Variants in ARMC9 observed in about 807,000 individuals in gnomAD.
ARMC9 encodes armadillo repeat containing 9.
In ARMC9, 94 loss-of-function variants were observed where a neutral mutation model predicts 107.0. The ratio of observed to expected loss-of-function variants is 0.88; its 90% CI spans 0.74 to 1.04. The LOEUF is 1.04. Ranked by LOEUF, ARMC9 falls within the 50% of genes least tolerant of loss-of-function variation. The probability of loss-of-function intolerance (pLI) is 0.00; values close to 1 mark genes in which losing one functional copy is unlikely to be tolerated. For missense variants in ARMC9, 942 were observed against 1,030.1 expected (o/e 0.91, Z 1.17); for synonymous variants, 380 against 396.9 (o/e 0.96, Z 0.51).
chr2:231,349,554 G>T (rs2044959516), intron 21 of ARMC9, among the ~76,000 whole-genome samples: 1 of 152,118 alleles, frequency 6.6e-6, no homozygotes, highest in Non-Finnish European at 1.5e-5. Context: ...GGCCGAGGCG[G>T]GTAGATCACT....
At chr2:231,201,737 C>A (rs1169006943) in intron 1 of ARMC9, among the ~76,000 whole-genome samples, 14 of 152,192 alleles carry the variant, frequency 9.2e-5, no homozygotes. Flanking sequence ...ACTGTTTTCC[C>A]TTTCCTCTCT....
chr2:231,243,934 A>G (rs2036529178), intron 9 of ARMC9, among the ~76,000 whole-genome samples: 1 of 152,132 alleles, frequency 6.6e-6, no homozygotes, highest in Non-Finnish European at 1.5e-5. Context: ...TTTTTTGCTG[A>G]TTTTTTTAAA....
chr2:231,289,508 A>G (rs969355906), intron 17 of ARMC9, among the ~76,000 whole-genome samples: 2 of 152,216 alleles, frequency 1.3e-5, no homozygotes, highest in Admixed American at 1.3e-4. Flanking sequence ...GGCTTATCAC[A>G]CTGCTTTTTG....
At chr2:231,344,438 A>G (rs1217784248) in intron 20 of ARMC9, among the ~76,000 whole-genome samples, 3 of 152,108 alleles carry the variant, frequency 2.0e-5, no homozygotes, top group African/African-American at 7.2e-5. Flanking sequence ...ATTTTGTGAC[A>G]TGGTGGTTTG....
At chr2:231,267,873 G>A (rs765643418) in intron 12 of ARMC9, among the ~76,000 whole-genome samples, 1 of 152,068 alleles carries the variant, frequency 6.6e-6, no homozygotes, top group Non-Finnish European at 1.5e-5. Flanking sequence ...TCCTAGATAA[G>A]CCCCAACCAA....
At chr2:231,275,344 G>A (rs2039669108) in intron 14 of ARMC9, among the ~76,000 whole-genome samples, 1 of 152,144 alleles carries the variant, frequency 6.6e-6, no homozygotes, top group African/African-American at 2.4e-5. Flanking sequence ...GCTTCTCTGT[G>A]GCATGTCAGT....
intron 20 of ARMC9, among the ~76,000 whole-genome samples, chr2:231,337,631 G>A (rs1309886677): frequency 3.3e-5 from 5 of 150,744 alleles, no homozygotes; most frequent in East Asian, 1.9e-4. Flanking sequence ...CACTACGCCC[G>A]GCTAGTTTTT....
chr2:231,209,696 C>T (rs1414724372), intron 3 of ARMC9, among the ~76,000 whole-genome samples: 1 of 152,038 alleles, frequency 6.6e-6, no homozygotes, highest in Non-Finnish European at 1.5e-5. Flanking sequence ...CCATCATGCC[C>T]AGCTGGTTTT....
intron 16 of ARMC9, among the ~76,000 whole-genome samples, chr2:231,281,210 G>T (rs1037815870): frequency 7.9e-5 from 12 of 151,406 alleles, no homozygotes; most frequent in Non-Finnish European, 1.5e-4. Flanking sequence ...GCGGAAGTGA[G>T]TGGCCTGTAT....
chr2:231,221,132 G>A (rs1057348355), intron 5 of ARMC9, among the ~76,000 whole-genome samples: 1 of 152,108 alleles, frequency 6.6e-6, no homozygotes, highest in African/African-American at 2.4e-5. Flanking sequence ...GTGTTGGCAG[G>A]GCTATGCTGT....
intron 20 of ARMC9, among the ~76,000 whole-genome samples, chr2:231,343,428 G>A (rs980832532): frequency 3.3e-5 from 5 of 151,358 alleles, no homozygotes; most frequent in African/African-American, 1.2e-4. Flanking sequence ...TTTACTTTTT[G>A]TTTTGAAATA....
At chr2:231,367,010 C>A (rs373463563) in intron 23 of ARMC9, among the ~76,000 whole-genome samples, 5 of 151,378 alleles carry the variant, frequency 3.3e-5, no homozygotes, top group African/African-American at 1.2e-4. Context: ...GCCACCACGC[C>A]TGGCTAATTT....
chr2:231,313,948 C>T (rs1378247876), intron 19 of ARMC9, among the ~76,000 whole-genome samples: 2 of 145,722 alleles, frequency 1.4e-5, no homozygotes, highest in Admixed American at 7.0e-5. Context: ...TTTGGTAGGA[C>T]GGAATCCCAC....
At chr2:231,324,648 G>T (rs1049162327) in intron 19 of ARMC9, among the ~76,000 whole-genome samples, 4 of 151,830 alleles carry the variant, frequency 2.6e-5, no homozygotes, top group Admixed American at 2.6e-4. Context: ...GGAGGCTGAG[G>T]CGAGAGAATC....
At chr2:231,292,371 C>T (rs912768658) in intron 18 of ARMC9, among the ~76,000 whole-genome samples, 1 of 152,108 alleles carries the variant, frequency 6.6e-6, no homozygotes, top group Admixed American at 6.5e-5. Flanking sequence ...AGGTGGCTTC[C>T]CCAGGGTCCT....
chr2:231,206,105 T>C (rs2031948512), intron 1 of ARMC9, 93 bp from the exon 2 acceptor site: 4 of 761,590 alleles, frequency 5.3e-6, no homozygotes, highest in East Asian at 2.6e-5. Context: ...ATGGATGTCT[T>C]TGGGGGCCAT....
rs1164269958 is a variant in ARMC9, at chr2:231,297,234, G to GCTC, written c.1773+984_1773+986dup. ...CTGCAGGTGGCATCAGCGGGTACGTGCTCCTGCTGGCTCTTCCTGCCTTGT... is the reference window on the plus strand; with the variant it reads ...CTGCAGGTGGCATCAGCGGGTACGTGCTCCTCCTGCTGGCTCTTCCTGCCTTGT... On this transcript the variant is annotated intron_variant, in intron 19 of 24. Transcript: ENST00000611582. The surrounding 1 kb of genome is among the most constrained non-coding windows in gnomAD (Gnocchi z 4.2). Among the ~76,000 whole-genome samples, 1 of 152,184 alleles carries GCTC rather than the reference G, an allele frequency of 6.6e-6. No individual in the cohort carries two copies. Among genetic ancestry groups the GCTC allele is most frequent in the African/African-American group, 2.4e-5 (1 of 41,436 alleles).
In ARMC9 at chr2:231,358,683, G is replaced by A. The variant is rs910677865; in HGVS notation, c.2132-2071G>A. Among the ~76,000 whole-genome samples the A allele has an allele frequency of 1.3e-5, 2 of 152,166 alleles. No homozygotes were observed. Among genetic ancestry groups the A allele is most frequent in the African/African-American group, 2.4e-5 (1 of 41,420 alleles). On this transcript the variant is annotated intron_variant, in intron 22 of 24. Transcript: ENST00000611582. This position sits in a 1 kb window ranked among gnomAD's most constrained non-coding sequence, Gnocchi z 4.5. ...TTGAGGAAGAGCCTTTGCGCTTTGC[G>A]TTCAGTCAGCACCGCAGGGAAAACT...
At chr2:231,313,649 C>T (rs903267643) in intron 19 of ARMC9, among the ~76,000 whole-genome samples, 1 of 152,152 alleles carries the variant, frequency 6.6e-6, no homozygotes, top group South Asian at 2.1e-4. Flanking sequence ...TGCCTGGGTC[C>T]CCCACCCCCA....
Sources: gnomAD v4.1 joint callset for allele counts (sites outside exome capture counted in the v4.1 genomes callset) on GRCh38, gnomAD v4.1.1 for gene constraint, Gnocchi (gnomAD v3.1) non-coding constraint, MANE v1.5 for transcripts, NCBI Gene and HGNC (gene_info 2026-07-23, HGNC 2026-07-21) for gene names.